GXYLT2: variants seen among roughly 807,000 people sequenced by gnomAD.
GXYLT2 encodes glucoside xylosyltransferase 2, also known as glycosyltransferase 8 domain containing 4.
Under a neutral mutation model 45.8 loss-of-function variants are expected in GXYLT2, and 53 were observed. That is an observed-to-expected ratio of 1.16 (90% confidence interval 0.93 to 1.46). The LOEUF (loss-of-function observed/expected upper bound fraction) is 1.46, where lower values mean the gene tolerates loss of function less well. Among genes scored for constraint, GXYLT2 ranks in the 40% most tolerant of loss-of-function variants. GXYLT2 has a pLI of 0.00. For missense variants in GXYLT2, 551 were observed against 544.4 expected, an observed-to-expected ratio of 1.01 and a Z score of -0.12; for synonymous variants, 219 against 214.2, an observed-to-expected ratio of 1.02 and a Z score of -0.19.
chr3:72,973,928 C>T (rs1000328237), intron 6 of GXYLT2, among the ~76,000 whole-genome samples: 2 of 152,076 alleles, frequency 1.3e-5, no homozygotes, highest in East Asian at 1.9e-4. Flanking sequence ...AATCTCCTTC[C>T]GAGAAGAAAC....
chr3:72,967,522 T>C (rs1472146964), intron 5 of GXYLT2, 25 bp from the exon 6 acceptor site: 3 of 1,598,450 alleles, frequency 1.9e-6, no homozygotes, highest in East Asian at 2.2e-5. Flanking sequence ...CGTGGACATA[T>C]ATGTCTTTCT....
chr3:72,934,259 A>AT (rs1559740137), intron 3 of GXYLT2, among the ~76,000 whole-genome samples: 1 of 151,106 alleles, frequency 6.6e-6, no homozygotes, highest in East Asian at 2.0e-4. Flanking sequence ...TAATTTTTGT[A>AT]TTTTTTTGTA....
chr3:72,888,547 GTGTCTCGC>G, intron 1 of GXYLT2, 39 bp downstream of exon 1: 1 of 1,174,680 alleles, frequency 8.5e-7, no homozygotes, highest in Non-Finnish European at 1.1e-6. Flanking sequence ...CTGCGGACCC[GTGTCTCGC>G]TCCCTACACC....
intron 1 of GXYLT2, among the ~76,000 whole-genome samples, chr3:72,895,615 A>G (rs765644074): frequency 6.6e-6 from 1 of 152,190 alleles, no homozygotes; most frequent in Non-Finnish European, 1.5e-5. Context: ...ACAAAATTTT[A>G]TGTTGTATGT....
chr3:72,898,257 C>G (rs2107063987), intron 1 of GXYLT2, among the ~76,000 whole-genome samples: 1 of 152,262 alleles, frequency 6.6e-6, no homozygotes, highest in South Asian at 2.1e-4. Context: ...TTCGTTTCCC[C>G]CCTCTAAGCT....
At chr3:72,954,872 A>C (rs1443339524) in intron 3 of GXYLT2, among the ~76,000 whole-genome samples, 1 of 152,176 alleles carries the variant, frequency 6.6e-6, no homozygotes, top group Non-Finnish European at 1.5e-5. Flanking sequence ...ATCCAGACCA[A>C]GATTTATCTT....
intron 3 of GXYLT2, among the ~76,000 whole-genome samples, chr3:72,932,383 C>CA (rs1452693811): frequency 2.0e-5 from 3 of 152,164 alleles, no homozygotes; most frequent in Non-Finnish European, 4.4e-5. Flanking sequence ...ATTGGCAACA[C>CA]AAAAGTATTT....
At chr3:72,930,653 G>A (rs1451328359) in intron 3 of GXYLT2, among the ~76,000 whole-genome samples, 1 of 129,600 alleles carries the variant, frequency 7.7e-6, no homozygotes, top group East Asian at 2.4e-4. Context: ...GAGTACAGTG[G>A]TATGATCATG....
At chr3:72,913,501 T>C (rs961314198) in intron 2 of GXYLT2, among the ~76,000 whole-genome samples, 4 of 151,656 alleles carry the variant, frequency 2.6e-5, no homozygotes, top group African/African-American at 9.7e-5. Flanking sequence ...TCGAGACCAG[T>C]CTGGCCAACG....
At chr3:72,955,428 A>T (rs1710622076) in intron 4 of GXYLT2, 79 bp downstream of exon 4, 1 of 1,464,810 alleles carries the variant, frequency 6.8e-7, no homozygotes, top group African/African-American at 1.4e-5. Context: ...GAGTGTCAAT[A>T]TGCTGATTTT....
chr3:72,890,638 T>G (rs990960005), intron 1 of GXYLT2, among the ~76,000 whole-genome samples: 5 of 152,228 alleles, frequency 3.3e-5, no homozygotes, highest in Non-Finnish European at 5.9e-5. Flanking sequence ...CACTGTAGAT[T>G]TTTGGATCTG....
chr3:72,901,305 A>G (rs910247955), intron 1 of GXYLT2, among the ~76,000 whole-genome samples: 19 of 141,384 alleles, frequency 1.3e-4, no homozygotes, highest in Non-Finnish European at 2.2e-4. Flanking sequence ...AAAAAAAAAA[A>G]CAATTAGCTG....
At chr3:72,916,466 G>T (rs1200303087) in intron 2 of GXYLT2, among the ~76,000 whole-genome samples, 1 of 151,860 alleles carries the variant, frequency 6.6e-6, no homozygotes, top group African/African-American at 2.4e-5. Flanking sequence ...GAGTTTATAG[G>T]TATGAGTCAC....
intron 3 of GXYLT2, among the ~76,000 whole-genome samples, chr3:72,949,935 C>CTG (rs1174612002): frequency 6.6e-6 from 1 of 152,064 alleles, no homozygotes; most frequent in East Asian, 1.9e-4. Context: ...TGAGTCCTTG[C>CTG]TGTGTGTGTG....
chr3:72,889,907 G>GGTTTTTTTTTTTTTTTTTT (rs1215251183), intron 1 of GXYLT2, among the ~76,000 whole-genome samples: 1 of 118,796 alleles, frequency 8.4e-6, no homozygotes, highest in African/African-American at 3.3e-5. Context: ...TTTTTTTTTT[G>GGTTTTTTTTTTTTTTTTTT]TTTTTTTTTT....
chr3:72,912,460 G>T (rs899676262), intron 2 of GXYLT2, among the ~76,000 whole-genome samples: 2 of 152,026 alleles, frequency 1.3e-5, no homozygotes, highest in Non-Finnish European at 2.9e-5. Context: ...GTTTGTGATT[G>T]TACGTTACTA....
At chr3:72,930,502 CAAA>C (rs147116148) in intron 3 of GXYLT2, among the ~76,000 whole-genome samples, 5 of 130,528 alleles carry the variant, frequency 3.8e-5, no homozygotes, top group Admixed American at 7.6e-5. Flanking sequence ...AACCCTGTCT[CAAA>C]AAAAAAAAAA....
intron 3 of GXYLT2, among the ~76,000 whole-genome samples, chr3:72,936,300 G>GA (rs796602781): frequency 0.09 from 6,516 of 72,550 alleles, 483 homozygotes; most frequent in African/African-American, 0.24. Context: ...TCAAAAAAAA[G>GA]AAAAAAAAAA....
intron 1 of GXYLT2, among the ~76,000 whole-genome samples, chr3:72,901,306 C>T (rs936613228): frequency 9.0e-6 from 1 of 111,072 alleles, no homozygotes; most frequent in South Asian, 2.9e-4. Flanking sequence ...AAAAAAAAAA[C>T]AATTAGCTGG....
Sources: allele counts gnomAD v4.1 joint callset (sites outside exome capture counted in the v4.1 genomes callset), GRCh38; gene constraint gnomAD v4.1.1; transcripts MANE v1.5; gene names NCBI Gene and HGNC (gene_info 2026-07-23, HGNC 2026-07-21).